OR1L8: variants seen among roughly 807,000 people sequenced by gnomAD.
OR1L8 encodes olfactory receptor 1L8.
For missense variants in OR1L8, 330 were observed against 377.4 expected, an observed-to-expected ratio of 0.87 and a Z score of 1.04; for synonymous variants, 148 against 147.0, an observed-to-expected ratio of 1.01 and a Z score of -0.05.
At chr9:122,553,658 T>C in the OR1L8 span, 1 of 1,613,942 alleles carries the variant, frequency 6.2e-7, no homozygotes, top group Non-Finnish European at 8.5e-7. Flanking sequence ...TAATGCTGGG[T>C]GTGTGCTGGG....
At chr9:122,582,155 T>A (rs974298455) in intron 1 of OR1L8, among the ~76,000 whole-genome samples, 1 of 152,208 alleles carries the variant, frequency 6.6e-6, no homozygotes, top group African/African-American at 2.4e-5. Context: ...TTTCTGCGTT[T>A]TTGACTTAAC....
rs1245390761 is a variant in OR1L8, at chr9:122,567,235, T to A, written c.*313A>T. The A allele has an allele frequency of 4.5e-6, 1 of 222,612 alleles. No individual in the cohort carries two copies. Among genetic ancestry groups the A allele is most frequent in the Non-Finnish European group, 8.8e-6 (1 of 113,998 alleles). The allele number at this position is 222,612 out of a possible 1,614,324, so 13.8% of individuals were successfully genotyped here. A position where few individuals can be genotyped will look rare whatever the true frequency, so the allele number is the denominator to read the frequency against. On this transcript the variant is annotated 3_prime_UTR_variant, in exon 5 of 5. Coordinates refer to ENST00000641027, the MANE Select transcript of OR1L8 (RefSeq NM_001004454.2). ...AAGAATTTTGGAGGATCTGCCTTAATAAAAGGAGAGAAATTTGTTTAGGAA... is the reference window on the plus strand; with the variant it reads ...AAGAATTTTGGAGGATCTGCCTTAAAAAAAGGAGAGAAATTTGTTTAGGAA...
chr9:122,568,829 A>C (rs1466736342), intron 4 of OR1L8, 140 bp from the exon 5 acceptor site: 1 of 189,768 alleles, frequency 5.3e-6, no homozygotes, highest in Non-Finnish European at 1.1e-5. Flanking sequence ...ATTTCTGCTT[A>C]TGTGGAGCTT....
chr9:122,553,793 T>C, the OR1L8 span: 60 of 1,613,992 alleles, frequency 3.7e-5, no homozygotes, highest in African/African-American at 4.8e-4. Flanking sequence ...CCTGCTCAGA[T>C]ACCCATGTAA....
chr9:122,563,924 T>C (rs370104503), downstream of OR1L8, among the ~76,000 whole-genome samples: 108 of 152,366 alleles, frequency 7.1e-4, no homozygotes, highest in African/African-American at 2.2e-3. Context: ...TGGCTATAGA[T>C]ACATGATTTA....
chr9:122,582,709 C>G (rs1430601322), intron 1 of OR1L8, among the ~76,000 whole-genome samples: 3 of 152,124 alleles, frequency 2.0e-5, no homozygotes, highest in Non-Finnish European at 4.4e-5. Context: ...GAGTGAGACC[C>G]TGTCTCTTAA....
the OR1L8 span, chr9:122,553,966 T>C: frequency 1.2e-6 from 2 of 1,613,870 alleles, no homozygotes; most frequent in Non-Finnish European, 1.7e-6. Context: ...ACGGTGGTTC[T>C]GCTCTTCTAT....
the OR1L8 span, among the ~76,000 whole-genome samples, chr9:122,547,538 C>G: frequency 6.6e-6 from 1 of 152,014 alleles, no homozygotes; most frequent in African/African-American, 2.4e-5. Context: ...CTCCCACCTT[C>G]CCATCCTCCT....
At chr9:122,580,399 C>CA (rs1368992851) in intron 1 of OR1L8, among the ~76,000 whole-genome samples, 1 of 152,164 alleles carries the variant, frequency 6.6e-6, no homozygotes, top group Non-Finnish European at 1.5e-5. Flanking sequence ...TGCCAATGAT[C>CA]ATTTACAAAT....
chr9:122,576,336 C>G (rs1219038740), intron 3 of OR1L8, among the ~76,000 whole-genome samples: 1 of 151,964 alleles, frequency 6.6e-6, no homozygotes, highest in East Asian at 1.9e-4. Flanking sequence ...ATTCTCCTGG[C>G]TCAGCCTCCC....
At chr9:122,565,332 T>A (rs1251628130), downstream of OR1L8, among the ~76,000 whole-genome samples, 1 of 152,190 alleles carries the variant, frequency 6.6e-6, no homozygotes, top group Non-Finnish European at 1.5e-5. Context: ...AAGCATGACC[T>A]CAGAAGGGGA....
intron 1 of OR1L8, among the ~76,000 whole-genome samples, chr9:122,582,430 A>C (rs1206046156): frequency 6.6e-6 from 1 of 151,278 alleles, no homozygotes; most frequent in Non-Finnish European, 1.5e-5. Flanking sequence ...AAAAATACAA[A>C]CAAGGCTCGG....
chr9:122,566,767 G>T (rs181091565), downstream of OR1L8, among the ~76,000 whole-genome samples: 1 of 151,582 alleles, frequency 6.6e-6, no homozygotes, highest in Non-Finnish European at 1.5e-5. Context: ...CTATAGGCTA[G>T]AGTCCTAGAA....
At chr9:122,550,943 C>G in the OR1L8 span, among the ~76,000 whole-genome samples, 264 of 151,768 alleles carry the variant, frequency 1.7e-3, 1 homozygote, top group South Asian at 3.7e-3. Context: ...AAAAGACATC[C>G]AAATTGGAAA....
chr9:122,553,398 T>A, the OR1L8 span: 2 of 1,614,070 alleles, frequency 1.2e-6, no homozygotes, highest in Non-Finnish European at 1.7e-6. Flanking sequence ...TACTCCCATG[T>A]ACTTCTTTCT....
chr9:122,553,061 A>T, the OR1L8 span: 1 of 769,358 alleles, frequency 1.3e-6, no homozygotes, highest in Non-Finnish European at 2.2e-6. Context: ...TGAGATTCAG[A>T]GATTCTTATT....
At chr9:122,558,465 C>G in the OR1L8 span, among the ~76,000 whole-genome samples, 1 of 151,360 alleles carries the variant, frequency 6.6e-6, no homozygotes. Flanking sequence ...TTGACAAATG[C>G]TTTCTGGGCT....
chr9:122,552,452 G>T, the OR1L8 span, among the ~76,000 whole-genome samples: 1 of 152,136 alleles, frequency 6.6e-6, no homozygotes, highest in Admixed American at 6.6e-5. Context: ...AGATAGAGAT[G>T]CATAGCAGCA....
intron 4 of OR1L8, among the ~76,000 whole-genome samples, chr9:122,571,580 GT>G (rs1158528003): frequency 1.3e-5 from 2 of 151,562 alleles, no homozygotes; most frequent in Admixed American, 6.6e-5. Flanking sequence ...GCTGAGTGTG[GT>G]GGGGCGCACC....
Sources: allele counts gnomAD v4.1 joint callset (sites outside exome capture counted in the v4.1 genomes callset), GRCh38; gene constraint gnomAD v4.1.1; transcripts MANE v1.5; gene names NCBI Gene and HGNC (gene_info 2026-07-23, HGNC 2026-07-21).